ASIP: variants seen among roughly 807,000 people sequenced by gnomAD.
The protein encoded by ASIP is agouti signaling protein, also known as agouti-signaling protein.
ASIP carries 11 observed loss-of-function variants against 10.3 expected under a neutral mutation model. The ratio of observed to expected loss-of-function variants is 1.07; its 90% confidence interval spans 0.68 to 1.78. The LOEUF (loss-of-function observed/expected upper bound fraction) is 1.78, where lower values mean the gene tolerates loss of function less well. Ranked by LOEUF, ASIP falls within the 40% of genes most tolerant of loss-of-function variation. The pLI, the probability that ASIP is intolerant of heterozygous loss-of-function variation, is 0.00. For missense variants in ASIP, 180 were observed against 169.2 expected, an observed-to-expected ratio of 1.06 and a Z score of -0.35; for synonymous variants, 70 against 70.8, an observed-to-expected ratio of 0.99 and a Z score of 0.06.
intron 1 of ASIP, among the ~76,000 whole-genome samples, chr20:34,225,991 TC>T (rs2035090336): frequency 6.6e-6 from 1 of 151,992 alleles, no homozygotes; most frequent in Non-Finnish European, 1.5e-5. Flanking sequence ...CCTCCCAGGT[TC>T]AAGCGATTCT....
chr20:34,200,973 C>T (rs6141451), intron 1 of ASIP, among the ~76,000 whole-genome samples: 528 of 38,518 alleles, frequency 0.014, 5 homozygotes, highest in African/African-American at 0.075. Context: ...TCTTTCTTTC[C>T]TTCCTTCCTT....
intron 1 of ASIP, among the ~76,000 whole-genome samples, chr20:34,197,969 G>A (rs1246984064): frequency 6.6e-6 from 1 of 152,040 alleles, no homozygotes; most frequent in Non-Finnish European, 1.5e-5. Context: ...ACCATGACAG[G>A]TTAAAAGTAT....
the ASIP span, among the ~76,000 whole-genome samples, chr20:34,187,216 A>G: frequency 2.0e-5 from 3 of 152,222 alleles, no homozygotes; most frequent in African/African-American, 7.2e-5. Context: ...GGGGTGTGAG[A>G]GTCATAAATA....
intron 1 of ASIP, chr20:34,214,709 C>T (rs2034996175): frequency 2.7e-6 from 3 of 1,114,074 alleles, no homozygotes; most frequent in Non-Finnish European, 4.2e-6. Context: ...TTATATTCTT[C>T]ATCATAAGTC....
chr20:34,214,480 G>A (rs1466423403), intron 1 of ASIP: 9 of 1,509,242 alleles, frequency 6.0e-6, no homozygotes, highest in Non-Finnish European at 7.4e-6. Context: ...CCATGAGATA[G>A]ATACTGGAAG....
At chr20:34,266,858 G>A (rs568306176) in intron 3 of ASIP, among the ~76,000 whole-genome samples, 1 of 152,262 alleles carries the variant, frequency 6.6e-6, no homozygotes, top group African/African-American at 2.4e-5. Flanking sequence ...CATTAACACA[G>A]GTTCCCACTT....
intron 1 of ASIP, among the ~76,000 whole-genome samples, chr20:34,233,526 A>C (rs1013708588): frequency 6.6e-6 from 1 of 152,220 alleles, no homozygotes; most frequent in African/African-American, 2.4e-5. Context: ...ATGGTTGCAC[A>C]ACTCTGTGAA....
chr20:34,254,479 T>G (rs1225163709), intron 1 of ASIP, among the ~76,000 whole-genome samples: 1 of 152,176 alleles, frequency 6.6e-6, no homozygotes, highest in African/African-American at 2.4e-5. Context: ...CCCAACACCC[T>G]GAAAAGTATA....
intron 1 of ASIP, among the ~76,000 whole-genome samples, chr20:34,219,510 G>A (rs1407730946): frequency 1.3e-5 from 2 of 152,216 alleles, no homozygotes; most frequent in Non-Finnish European, 2.9e-5. Flanking sequence ...AAGAGAGGCA[G>A]AAGTTCTTAT....
intron 1 of ASIP, among the ~76,000 whole-genome samples, chr20:34,247,488 C>T (rs975505850): frequency 2.0e-5 from 3 of 151,470 alleles, no homozygotes; most frequent in Admixed American, 6.6e-5. Flanking sequence ...TTTGTAGAGA[C>T]GAGGTTTCAT....
chr20:34,267,591 G>A (rs569145531), intron 3 of ASIP, among the ~76,000 whole-genome samples: 2 of 151,608 alleles, frequency 1.3e-5, no homozygotes, highest in South Asian at 4.2e-4. Context: ...GAGTGCAATG[G>A]CGCAATCTCC....
chr20:34,202,530 CAA>C (rs2034906348), intron 1 of ASIP, among the ~76,000 whole-genome samples: 1 of 152,110 alleles, frequency 6.6e-6, no homozygotes, highest in Non-Finnish European at 1.5e-5. Context: ...GATGTGAGGT[CAA>C]GTTTCCCTTT....
chr20:34,258,001 G>T (rs1568768247), intron 1 of ASIP, among the ~76,000 whole-genome samples: 1 of 152,012 alleles, frequency 6.6e-6, no homozygotes, highest in Non-Finnish European at 1.5e-5. Context: ...AAAATTAGCT[G>T]GGCGTGGTGG....
At chr20:34,250,470 C>T (rs1240158376) in intron 1 of ASIP, among the ~76,000 whole-genome samples, 1 of 152,178 alleles carries the variant, frequency 6.6e-6, no homozygotes, top group Non-Finnish European at 1.5e-5. Context: ...GAGTTTCAGG[C>T]CAGCCTGGGC....
At chr20:34,238,046 C>T (rs1023484350), upstream of ASIP, among the ~76,000 whole-genome samples, 4 of 152,068 alleles carry the variant, frequency 2.6e-5, no homozygotes, top group Non-Finnish European at 5.9e-5. Flanking sequence ...TGTGATGAGT[C>T]GCATCTCTCT....
At chr20:34,201,028 C>T (rs1205599597) in intron 1 of ASIP, among the ~76,000 whole-genome samples, 2 of 90,668 alleles carry the variant, frequency 2.2e-5, no homozygotes, top group African/African-American at 1.3e-4. Flanking sequence ...TTCTTTCTTT[C>T]TTTCTTTCTT....
chr20:34,247,985 C>T (rs916167507), intron 1 of ASIP, among the ~76,000 whole-genome samples: 4 of 152,278 alleles, frequency 2.6e-5, no homozygotes, highest in East Asian at 3.9e-4. Flanking sequence ...GAGGGCAGAT[C>T]GCCTGAGATC....
chr20:34,266,862 C>T (rs1395898311), intron 3 of ASIP, among the ~76,000 whole-genome samples: 1 of 152,168 alleles, frequency 6.6e-6, no homozygotes, highest in Non-Finnish European at 1.5e-5. Flanking sequence ...AACACAGGTT[C>T]CCACTTTGGG....
the ASIP span, among the ~76,000 whole-genome samples, chr20:34,186,961 G>A: frequency 1.3e-5 from 2 of 152,038 alleles, no homozygotes; most frequent in Admixed American, 6.5e-5. Context: ...CTACAGGTGC[G>A]TGCCACCACA....
Sources: allele counts gnomAD v4.1 joint callset (sites outside exome capture counted in the v4.1 genomes callset), GRCh38; gene constraint gnomAD v4.1.1; transcripts MANE v1.5; gene names NCBI Gene and HGNC (gene_info 2026-07-23, HGNC 2026-07-21).